CCDC178: variants seen among roughly 807,000 people sequenced by gnomAD.
CCDC178 encodes the protein coiled-coil domain containing 178, also known as coiled-coil domain-containing protein 178.
A neutral mutation model predicts 117.4 loss-of-function variants in CCDC178; 126 were observed. That is an observed-to-expected ratio of 1.07 (90% confidence interval 0.93 to 1.24). The LOEUF (loss-of-function observed/expected upper bound fraction) is 1.24, where lower values mean the gene tolerates loss of function less well. Ranked by LOEUF, CCDC178 falls within the 50% of genes most tolerant of loss-of-function variation. The pLI, the probability that CCDC178 is intolerant of heterozygous loss-of-function variation, is 0.00. For missense variants in CCDC178, 1,030 were observed against 986.9 expected (o/e 1.04, Z -0.59); for synonymous variants, 283 against 313.4 (o/e 0.90, Z 1.02).
intron 11 of CCDC178, among the ~76,000 whole-genome samples, chr18:33,320,042 GCCC>G: frequency 6.6e-6 from 1 of 152,114 alleles, no homozygotes; most frequent in Non-Finnish European, 1.5e-5. Context: ...AAATTCAACA[GCCC>G]TTCATGCTAA....
chr18:33,051,189 T>A (rs2056741716), intron 21 of CCDC178, among the ~76,000 whole-genome samples: 1 of 152,018 alleles, frequency 6.6e-6, no homozygotes, highest in African/African-American at 2.4e-5. Context: ...TGGGATTACA[T>A]GCATAAGCCA....
At chr18:33,248,715 C>G (rs150915670) in intron 14 of CCDC178, among the ~76,000 whole-genome samples, 1 of 151,866 alleles carries the variant, frequency 6.6e-6, no homozygotes, top group Non-Finnish European at 1.5e-5. Context: ...TGAATAGTGC[C>G]GCAATAAACA....
chr18:33,274,056 G>T (rs966929723), intron 12 of CCDC178, among the ~76,000 whole-genome samples: 1 of 151,612 alleles, frequency 6.6e-6, no homozygotes, highest in African/African-American at 2.4e-5. Context: ...AAGTGAAAAA[G>T]AACGGAATAT....
chr18:33,142,631 CAGAA>C (rs1389299953), intron 20 of CCDC178, among the ~76,000 whole-genome samples: 1 of 151,880 alleles, frequency 6.6e-6, no homozygotes, highest in Non-Finnish European at 1.5e-5. Flanking sequence ...AATTTGATAA[CAGAA>C]AGAAAGAAAT....
intron 21 of CCDC178, among the ~76,000 whole-genome samples, chr18:33,037,273 T>C (rs1375967413): frequency 6.6e-6 from 1 of 151,964 alleles, no homozygotes; most frequent in Non-Finnish European, 1.5e-5. Flanking sequence ...GATCTAACAC[T>C]AGTTATTTGA....
intron 2 of CCDC178, among the ~76,000 whole-genome samples, chr18:33,413,139 A>G (rs1249099982): frequency 6.6e-6 from 1 of 152,188 alleles, no homozygotes; most frequent in Non-Finnish European, 1.5e-5. Context: ...TATATAGTTT[A>G]GATACTGGAA....
At chr18:33,031,882 T>C (rs1306113358) in intron 21 of CCDC178, among the ~76,000 whole-genome samples, 2 of 152,106 alleles carry the variant, frequency 1.3e-5, no homozygotes, top group African/African-American at 4.8e-5. Flanking sequence ...ATTCACACAA[T>C]ATATAGAGCA....
chr18:33,168,597 TAAAG>T (rs1483075403), intron 20 of CCDC178, among the ~76,000 whole-genome samples: 1 of 152,202 alleles, frequency 6.6e-6, no homozygotes, highest in African/African-American at 2.4e-5. Flanking sequence ...AACATGAAGT[TAAAG>T]TAAGCAGTTT....
intron 2 of CCDC178, among the ~76,000 whole-genome samples, chr18:33,414,050 C>T (rs1051337887): frequency 1.3e-5 from 2 of 152,052 alleles, no homozygotes; most frequent in African/African-American, 4.8e-5. Flanking sequence ...CAAAAGACAG[C>T]ATAAACTAAT....
intron 20 of CCDC178, among the ~76,000 whole-genome samples, chr18:33,161,338 G>A (rs752522831): frequency 3.3e-5 from 5 of 151,868 alleles, no homozygotes; most frequent in South Asian, 2.1e-4. Context: ...CATGAACACC[G>A]AGACTAATGA....
chr18:33,105,591 TTGTG>T (rs995679035), intron 20 of CCDC178, among the ~76,000 whole-genome samples: 3 of 151,660 alleles, frequency 2.0e-5, no homozygotes, highest in African/African-American at 7.2e-5. Flanking sequence ...GGTATTTTGT[TTGTG>T]TGTGTGTTTT....
chr18:32,983,325 G>A (rs867148150), intron 21 of CCDC178: 1 of 1,531,872 alleles, frequency 6.5e-7, no homozygotes. Context: ...AGAGAGTTTG[G>A]AAGTTTCTTA....
In CCDC178 at chr18:33,245,443, C is replaced by CA; in HGVS notation, c.1410-16dup. On this transcript the variant is annotated splice_polypyrimidine_tract_variant and intron_variant, in intron 14 of 22. Transcript: ENST00000383096. ...TTTTCCGTATGCTGTAAAAGTAAAG[C>CA]AAAAATTAATATTATTGAGTATATA... 1 of 1,482,936 alleles carries CA rather than the reference C, an allele frequency of 6.7e-7. No individual in the cohort carries two copies. The highest frequency in any genetic ancestry group is 9.0e-7 in the Non-Finnish European group (1 of 1,111,708). The allele number at this position is 1,482,936 out of a possible 1,614,324, so 91.9% of individuals were successfully genotyped here.
At chr18:33,059,007 GCCAGTAGTAT>G (rs2056876827) in intron 21 of CCDC178, among the ~76,000 whole-genome samples, 1 of 152,124 alleles carries the variant, frequency 6.6e-6, no homozygotes, top group African/African-American at 2.4e-5. Context: ...AGCAGTTGCT[GCCAGTAGTAT>G]CCTGGAGCAC....
At chr18:33,171,676 G>GT (rs2058601236) in intron 20 of CCDC178, among the ~76,000 whole-genome samples, 1 of 152,146 alleles carries the variant, frequency 6.6e-6, no homozygotes, top group South Asian at 2.1e-4. Flanking sequence ...CTATGCTGGG[G>GT]TAACAGTTGA....
intron 21 of CCDC178, among the ~76,000 whole-genome samples, chr18:32,996,391 C>A (rs2055509820): frequency 6.6e-6 from 1 of 151,710 alleles, no homozygotes; most frequent in South Asian, 2.1e-4. Context: ...ATTAAGTAAC[C>A]TTAATATCAT....
chr18:33,234,497 G>A (rs966229899), intron 15 of CCDC178, among the ~76,000 whole-genome samples: 8 of 151,994 alleles, frequency 5.3e-5, no homozygotes, highest in South Asian at 2.1e-4. Flanking sequence ...TCCTAGAAAC[G>A]TTCAGCATAA....
chr18:33,238,962 G>C (rs909049498), intron 15 of CCDC178, among the ~76,000 whole-genome samples: 4 of 151,968 alleles, frequency 2.6e-5, no homozygotes. Flanking sequence ...AGGAGATAAT[G>C]GGATGGTATA....
At chr18:33,339,925 T>C (rs1349480970) in intron 9 of CCDC178, among the ~76,000 whole-genome samples, 4 of 151,940 alleles carry the variant, frequency 2.6e-5, no homozygotes, top group African/African-American at 4.8e-5. Flanking sequence ...ACTAATACAG[T>C]AAATTGGTAC....
Sources: allele counts gnomAD v4.1 joint callset (sites outside exome capture counted in the v4.1 genomes callset), GRCh38; gene constraint gnomAD v4.1.1; transcripts MANE v1.5; gene names NCBI Gene and HGNC (gene_info 2026-07-23, HGNC 2026-07-21).